Variants in HESX1 observed in about 807,000 individuals in gnomAD.
HESX1 encodes homeobox expressed in ES cells 1.
HESX1 carries 11 observed loss-of-function variants against 22.5 expected under a neutral mutation model. The ratio of observed to expected loss-of-function variants is 0.49; its 90% confidence interval spans 0.31 to 0.81. The LOEUF (loss-of-function observed/expected upper bound fraction) is 0.81, where lower values mean the gene tolerates loss of function less well. Among genes scored for constraint, HESX1 ranks in the 30% least tolerant of loss-of-function variants. The pLI, the probability that HESX1 is intolerant of heterozygous loss-of-function variation, is 0.05. For synonymous variants in HESX1, 74 were observed against 76.5 expected, an observed-to-expected ratio of 0.97 and a Z score of 0.17; for missense variants, 201 against 212.6, an observed-to-expected ratio of 0.95 and a Z score of 0.34.
chr3:57,202,975 T>C (rs1267233862), upstream of HESX1, among the ~76,000 whole-genome samples: 3 of 152,136 alleles, frequency 2.0e-5, no homozygotes, highest in Admixed American at 2.0e-4. Flanking sequence ...AAGGCAGTAG[T>C]TGGAGTGAAG....
intron 1 of HESX1, among the ~76,000 whole-genome samples, chr3:57,212,558 A>C (rs1193902508): frequency 1.6e-5 from 1 of 60,900 alleles, no homozygotes; most frequent in African/African-American, 4.5e-5. Context: ...ACTCTGTCTC[A>C]AAAAAAAAAA....
At chr3:57,206,458 AC>A (rs2060519753) in intron 1 of HESX1, among the ~76,000 whole-genome samples, 2 of 152,182 alleles carry the variant, frequency 1.3e-5, no homozygotes, top group South Asian at 4.1e-4. Context: ...TCCTTGTAAC[AC>A]CCTTCTATTA....
intron 1 of HESX1, among the ~76,000 whole-genome samples, chr3:57,224,173 G>A (rs1029012025): frequency 1.3e-5 from 2 of 152,048 alleles, no homozygotes; most frequent in Admixed American, 6.6e-5. Context: ...TTGCAGAGAC[G>A]GGGTTTCACT....
intron 1 of HESX1, among the ~76,000 whole-genome samples, chr3:57,222,884 C>T (rs928712775): frequency 3.3e-5 from 5 of 151,982 alleles, no homozygotes; most frequent in Non-Finnish European, 5.9e-5. Flanking sequence ...TTTAAAATAG[C>T]ATCAGGATTC....
At chr3:57,207,815 T>G (rs910536760) in intron 1 of HESX1, among the ~76,000 whole-genome samples, 2 of 152,222 alleles carry the variant, frequency 1.3e-5, no homozygotes, top group African/African-American at 2.4e-5. Flanking sequence ...ATGCATATAA[T>G]TATTGAAATA....
At chr3:57,212,309 C>G (rs1481662484) in intron 1 of HESX1, among the ~76,000 whole-genome samples, 1 of 151,800 alleles carries the variant, frequency 6.6e-6, no homozygotes, top group Non-Finnish European at 1.5e-5. Flanking sequence ...ACCTATAATC[C>G]CAGCACTTTG....
intron 1 of HESX1, among the ~76,000 whole-genome samples, chr3:57,214,490 T>A (rs2060573240): frequency 6.6e-6 from 1 of 152,214 alleles, no homozygotes; most frequent in African/African-American, 2.4e-5. Context: ...GGGTCTAAAT[T>A]CCAGCTCTTC....
At chr3:57,224,789 A>T (rs1387012937) in intron 1 of HESX1, among the ~76,000 whole-genome samples, 1 of 152,240 alleles carries the variant, frequency 6.6e-6, no homozygotes, top group Non-Finnish European at 1.5e-5. Context: ...GTAAAAACCT[A>T]ATTATAAGAC....
intron 1 of HESX1, among the ~76,000 whole-genome samples, chr3:57,219,873 G>C (rs925886777): frequency 1.3e-5 from 2 of 152,080 alleles, no homozygotes; most frequent in Admixed American, 6.5e-5. Context: ...TTTTGCTTTT[G>C]TTGCAATTGC....
upstream of HESX1, among the ~76,000 whole-genome samples, chr3:57,201,925 ATC>A (rs869190932): frequency 4.1e-5 from 6 of 145,360 alleles, no homozygotes; most frequent in African/African-American, 1.6e-4. Flanking sequence ...CTATCTATCT[ATC>A]TATTTTTTTG....
At chr3:57,204,658 G>C (rs1364889387), upstream of HESX1, among the ~76,000 whole-genome samples, 1 of 152,184 alleles carries the variant, frequency 6.6e-6, no homozygotes, top group Non-Finnish European at 1.5e-5. Flanking sequence ...CAGTGGCTGG[G>C]CACAGTGGCT....
chr3:57,214,400 A>G (rs2060572652), intron 1 of HESX1, among the ~76,000 whole-genome samples: 1 of 152,236 alleles, frequency 6.6e-6, no homozygotes, highest in Non-Finnish European at 1.5e-5. Flanking sequence ...ATGGGAACAG[A>G]AAATGTCCCA....
At chr3:57,223,643 T>C (rs2060627123) in intron 1 of HESX1, among the ~76,000 whole-genome samples, 1 of 152,180 alleles carries the variant, frequency 6.6e-6, no homozygotes, top group South Asian at 2.1e-4. Flanking sequence ...GGCTCTAATG[T>C]TTTAAAATAG....
chr3:57,222,400 A>T (rs983273083), intron 1 of HESX1, among the ~76,000 whole-genome samples: 2 of 152,124 alleles, frequency 1.3e-5, no homozygotes, highest in Non-Finnish European at 2.9e-5. Flanking sequence ...CTGGGACTAC[A>T]GGCATGTGCC....
rs1413036425 is a variant in HESX1 at position 57,208,373 on chromosome 3, A to G, written c.-110-8345T>C. 2.0e-5 allele frequency among the ~76,000 whole-genome samples: 3 copies of G among 151,924 alleles called. No individual in the cohort carries two copies. The East Asian group carries it at 5.9e-4, about 30-fold the overall frequency. On this transcript the variant is annotated intron_variant, in intron 1 of 2. Coordinates refer to the HESX1 transcript ENST00000495160. ...TTGATTGATTGATTGATTGATTGAG[A>G]TGGAGTCTCGCTCTGTTTCCCAGGC...
upstream of HESX1, among the ~76,000 whole-genome samples, chr3:57,202,154 C>T (rs1334165109): frequency 1.3e-5 from 2 of 151,990 alleles, no homozygotes; most frequent in African/African-American, 4.8e-5. Context: ...ATCCTGACCT[C>T]GTGATCCGCC....
At chr3:57,219,797 T>A (rs1212359877) in intron 1 of HESX1, among the ~76,000 whole-genome samples, 2 of 152,230 alleles carry the variant, frequency 1.3e-5, no homozygotes, top group Non-Finnish European at 2.9e-5. Context: ...GTTGTCTGTT[T>A]ACTCTGTTGA....
intron 1 of HESX1, among the ~76,000 whole-genome samples, chr3:57,218,725 G>T (rs2060598097): frequency 6.6e-6 from 1 of 152,150 alleles, no homozygotes; most frequent in Non-Finnish European, 1.5e-5. Flanking sequence ...TTACAAACGT[G>T]AGCCACCATG....
chr3:57,200,027 G>A (rs1479410980), upstream of HESX1: 10 of 955,258 alleles, frequency 1.0e-5, no homozygotes, highest in Middle Eastern at 3.1e-4. Flanking sequence ...CTGACAAGGG[G>A]GCTGGATTTA....
Sources: gnomAD v4.1 joint callset for allele counts (sites outside exome capture counted in the v4.1 genomes callset) on GRCh38, gnomAD v4.1.1 for gene constraint, MANE v1.5 for transcripts, NCBI Gene and HGNC (gene_info 2026-07-23, HGNC 2026-07-21) for gene names.